Variants in AKAP13 observed in about 807,000 individuals in gnomAD.
The protein encoded by AKAP13 is A-kinase anchor protein 13.
Under a neutral mutation model 264.5 loss-of-function variants are expected in AKAP13, and 80 were observed. The observed-to-expected ratio is 0.30, with a 90% confidence interval of 0.25 to 0.36. The LOEUF (loss-of-function observed/expected upper bound fraction) is 0.36, where lower values mean the gene tolerates loss of function less well. AKAP13 is among the 10% of genes least tolerant of loss of function. The pLI, the probability that AKAP13 is intolerant of heterozygous loss-of-function variation, is 1.00. For synonymous variants in AKAP13, 1,380 were observed against 1,250.2 expected, an observed-to-expected ratio of 1.10 and a Z score of -2.19; for missense variants, 3,712 against 3,435.2, an observed-to-expected ratio of 1.08 and a Z score of -2.01.
In AKAP13 at chr15:85,569,739, T is replaced by A. The variant is rs1298594558; in HGVS notation, c.663-5392T>A. Among the ~76,000 whole-genome samples, 3 of 151,972 alleles carry A rather than the reference T, an allele frequency of 2.0e-5. No homozygotes were observed. In the East Asian group the frequency reaches 5.8e-4, roughly 29 times the overall value. On this transcript the variant is annotated intron_variant, in intron 5 of 36. Transcript: ENST00000394518. Reference sequence around the variant, plus strand: ...CTGTGAGCCACCATGCCCAGCCAGATCAACATTTTTAAATTCTGCAAAACT... The same window carrying A: ...CTGTGAGCCACCATGCCCAGCCAGAACAACATTTTTAAATTCTGCAAAACT...
chr15:85,633,815 A>G (rs1220045857), intron 8 of AKAP13, among the ~76,000 whole-genome samples: 1 of 151,862 alleles, frequency 6.6e-6, no homozygotes, highest in Non-Finnish European at 1.5e-5. Flanking sequence ...AAGTGCTGGG[A>G]TTACAGGTAT....
rs542220506 is a variant in AKAP13 at position 85,433,529 on chromosome 15, C to G, written c.-11-52181C>G. ...CTTAGAAATGCTGTGAATGCCTAGT[C>G]AGTCCACAAACTCCTTAGCCTTTGT... is the stretch of plus-strand genomic sequence containing the variant. On this transcript the variant is annotated intron_variant, in intron 1 of 36. Transcript: ENST00000394518. Among the ~76,000 whole-genome samples, 183 of 152,264 alleles carry G rather than the reference C, an allele frequency of 1.2e-3. 3 individuals are homozygous for G. The South Asian group carries it at 0.036, about 30-fold the overall frequency.
intron 2 of AKAP13, among the ~76,000 whole-genome samples, chr15:85,487,428 A>G (rs1338954053): frequency 1.3e-5 from 2 of 152,334 alleles, no homozygotes; most frequent in East Asian, 3.9e-4. Flanking sequence ...AAATGAGGAC[A>G]TTCCCTTCTA....
intron 1 of AKAP13, among the ~76,000 whole-genome samples, chr15:85,454,971 A>G (rs1219368247): frequency 6.6e-6 from 1 of 152,168 alleles, no homozygotes; most frequent in Non-Finnish European, 1.5e-5. Flanking sequence ...TGTGTATGCT[A>G]CTTTAAGATA....
At chr15:85,522,464 A>G (rs1408360654) in intron 3 of AKAP13, among the ~76,000 whole-genome samples, 1 of 152,050 alleles carries the variant, frequency 6.6e-6, no homozygotes, top group Non-Finnish European at 1.5e-5. Context: ...ATTGGTGGAG[A>G]GGGATGTACC....
intron 1 of AKAP13, among the ~76,000 whole-genome samples, chr15:85,410,017 A>G (rs1179286475): frequency 6.6e-6 from 1 of 151,672 alleles, no homozygotes; most frequent in Non-Finnish European, 1.5e-5. Flanking sequence ...CAAATGAAGA[A>G]ATTAGTTTCC....
At chr15:85,587,031 A>G (rs1317047997) in intron 8 of AKAP13, among the ~76,000 whole-genome samples, 2 of 152,196 alleles carry the variant, frequency 1.3e-5, no homozygotes, top group Admixed American at 6.5e-5. Flanking sequence ...AATCCACCCA[A>G]TCAAATAAAG....
Position 85,677,019 on chromosome 15 carries a change from C to G in AKAP13, c.5102-5139C>G, listed in dbSNP as rs567609608. ...CAGCAAGGCGGATCTCCATCAGCAT[C>G]TCTCCGCTCCTCCTTAAGTCTAAAA... is the stretch of plus-strand genomic sequence containing the variant. On this transcript the variant is annotated intron_variant, in intron 14 of 36. Transcript: ENST00000394518. 8 of 985,500 alleles carry G rather than the reference C, an allele frequency of 8.1e-6. No individual in the cohort carries two copies. In the South Asian group the frequency reaches 3.8e-4, roughly 46 times the overall value. 61.0% of individuals were successfully genotyped at this position (985,500 alleles called of 1,614,324 possible).
intron 23 of AKAP13, 85 bp from the exon 24 acceptor site, chr15:85,721,906 T>G (rs539996546): frequency 6.4e-7 from 1 of 1,568,988 alleles, no homozygotes; most frequent in Non-Finnish European, 8.6e-7. Context: ...CTCTTGACTT[T>G]TACAACTAGA....
intron 2 of AKAP13, among the ~76,000 whole-genome samples, chr15:85,495,647 G>A (rs1457940318): frequency 6.6e-6 from 1 of 152,158 alleles, no homozygotes; most frequent in Admixed American, 6.5e-5. Flanking sequence ...CATGCTCGAA[G>A]GTAATATATG....
At chr15:85,703,508 C>T (rs1371739842) in intron 17 of AKAP13, among the ~76,000 whole-genome samples, 1 of 152,150 alleles carries the variant, frequency 6.6e-6, no homozygotes, top group Non-Finnish European at 1.5e-5. Flanking sequence ...CATATAAGCA[C>T]TCTTAGTCCA....
At position 85,585,763 on chromosome 15, in the gene AKAP13, A is replaced by G. The variant is rs1204808295; in HGVS notation, c.4101A>G (p.Glu1367=). 1.9e-6 allele frequency: 3 copies of G among 1,614,064 alleles called. No individual in the cohort carries two copies. In the African/African-American group the frequency reaches 4.0e-5, roughly 22 times the overall value. Residue 1367 remains glutamate, a synonymous_variant, in exon 8 of 37, where the codon GAA becomes GAG. Transcript: ENST00000394518. ...TTAGAGCAAGTTCAATTTCTGAAGA[A>G]GTGGCTGTAGGGAGCATAGCTGCTA... ...VDFRASSISE[E]VAVGSIAATL... is the part of the protein sequence containing the mutation.
At chr15:85,605,123 C>G (rs2080263560) in intron 8 of AKAP13, among the ~76,000 whole-genome samples, 2 of 91,076 alleles carry the variant, frequency 2.2e-5, no homozygotes, top group African/African-American at 8.2e-5. Context: ...CAGCGCTTTG[C>G]AGGGCTTCTG....
chr15:85,461,407 C>T (rs558899425), intron 1 of AKAP13, among the ~76,000 whole-genome samples: 5 of 152,156 alleles, frequency 3.3e-5, no homozygotes, highest in Non-Finnish European at 1.5e-5. Flanking sequence ...TGAGCCACTG[C>T]GCCCGGCCCG....
chr15:85,569,380 A>G (rs935859898), intron 5 of AKAP13, among the ~76,000 whole-genome samples: 1 of 151,850 alleles, frequency 6.6e-6, no homozygotes, highest in Non-Finnish European at 1.5e-5. Flanking sequence ...GATGTATAGG[A>G]TGGATTTTTG....
At chr15:85,653,696 T>C (rs1235432713) in intron 10 of AKAP13, among the ~76,000 whole-genome samples, 1 of 152,134 alleles carries the variant, frequency 6.6e-6, no homozygotes, top group African/African-American at 2.4e-5. Flanking sequence ...TTACCCTTAA[T>C]TAAAACATTG....
At chr15:85,544,260 A>G (rs1028026660) in intron 5 of AKAP13, 4 of 472,716 alleles carry the variant, frequency 8.5e-6, no homozygotes, top group African/African-American at 5.9e-5. Flanking sequence ...TGGAGGTAGC[A>G]TAACATTACC....
chr15:85,619,907 G>T (rs2081099339), intron 8 of AKAP13: 2 of 1,431,368 alleles, frequency 1.4e-6, no homozygotes, highest in Admixed American at 5.7e-5. Context: ...ATTGGATTCT[G>T]CTTGATTTCT....
chr15:85,719,511 C>A (rs772487881), intron 23 of AKAP13, among the ~76,000 whole-genome samples, 185 bp downstream of exon 23: 12 of 152,130 alleles, frequency 7.9e-5, no homozygotes, highest in African/African-American at 2.9e-4. Flanking sequence ...GGGTTTCTCT[C>A]CTAATGTTAT....
Sources: allele counts gnomAD v4.1 joint callset (sites outside exome capture counted in the v4.1 genomes callset), GRCh38; gene constraint gnomAD v4.1.1; transcripts MANE v1.5; gene names NCBI Gene and HGNC (gene_info 2026-07-23, HGNC 2026-07-21).